Variants in PCDH11Y observed in about 807,000 individuals in gnomAD.
PCDH11Y encodes the protein protocadherin-11 Y-linked.
For synonymous variants in PCDH11Y, 9 were observed against 83.6 expected (o/e 0.11, Z 4.87); for missense variants, 12 against 224.8 (o/e 0.05, Z 6.05).
At chrY:5,189,142 T>G in intron 2 of PCDH11Y, among the ~76,000 whole-genome samples, 4 of 33,744 alleles carry the variant, frequency 1.2e-4, no homozygotes, top group African/African-American at 4.6e-4. Flanking sequence ...CGTGTTAACC[T>G]GATGGTGCTA....
At chrY:5,060,628 G>A in intron 1 of PCDH11Y, among the ~76,000 whole-genome samples, 1 of 27,626 alleles carries the variant, frequency 3.6e-5, no homozygotes, top group Admixed American at 3.6e-4. Context: ...GAACCAGAGT[G>A]CAGTTCCTGA....
intron 4 of PCDH11Y, among the ~76,000 whole-genome samples, chrY:5,730,149 A>T: frequency 3.1e-4 from 10 of 32,136 alleles, no homozygotes. Flanking sequence ...TTTTTTTTTC[A>T]AATTCTGGAA....
At chrY:5,625,216 T>C in intron 4 of PCDH11Y, among the ~76,000 whole-genome samples, 5 of 31,998 alleles carry the variant, frequency 1.6e-4, no homozygotes, top group Non-Finnish European at 3.0e-4. Context: ...TTGCTGAAGA[T>C]ATTTACCAGA....
chrY:5,659,241 G>A (rs2053539136), intron 4 of PCDH11Y, among the ~76,000 whole-genome samples: 21 of 32,048 alleles, frequency 6.6e-4, no homozygotes, highest in African/African-American at 2.6e-3. Flanking sequence ...GCACAACACT[G>A]AGTCTCACCA....
At chrY:5,425,141 G>A in intron 2 of PCDH11Y, among the ~76,000 whole-genome samples, 1 of 33,484 alleles carries the variant, frequency 3.0e-5, no homozygotes, top group South Asian at 6.4e-4. Context: ...TTTCGTTTTC[G>A]TAAATGTAGC....
chrY:5,520,455 T>C (rs62608378), intron 3 of PCDH11Y, among the ~76,000 whole-genome samples: 1 of 30,447 alleles, frequency 3.3e-5, no homozygotes, highest in Non-Finnish European at 7.8e-5. Flanking sequence ...TTGGCATATG[T>C]AAGTTTAGTC....
chrY:5,137,013 G>A (rs2052841668), intron 2 of PCDH11Y, among the ~76,000 whole-genome samples: 3 of 32,365 alleles, frequency 9.3e-5, no homozygotes, highest in Non-Finnish European at 2.3e-4. Flanking sequence ...CACCACCTAC[G>A]CATGTAGTCA....
intron 1 of PCDH11Y, among the ~76,000 whole-genome samples, chrY:5,067,463 G>A (rs2052688662): frequency 3.1e-5 from 1 of 32,012 alleles, no homozygotes. Flanking sequence ...AAGGTGTGAA[G>A]CAAAAAAAAA....
chrY:5,676,279 G>A, intron 4 of PCDH11Y, among the ~76,000 whole-genome samples: 1 of 32,308 alleles, frequency 3.1e-5, no homozygotes, highest in African/African-American at 1.2e-4. Flanking sequence ...ATGCCCTGAG[G>A]CTGCACAGAG....
intron 2 of PCDH11Y, among the ~76,000 whole-genome samples, chrY:5,448,898 C>T: frequency 6.0e-5 from 2 of 33,426 alleles, no homozygotes; most frequent in African/African-American, 1.2e-4. Context: ...TCGACAAACA[C>T]AATATAGTAC....
At chrY:5,183,124 GTGTGGGCTCATGAAGTGA>G (rs2052902620) in intron 2 of PCDH11Y, among the ~76,000 whole-genome samples, 3 of 33,397 alleles carry the variant, frequency 9.0e-5, no homozygotes, top group Non-Finnish European at 2.2e-4. Context: ...GGCCCTGGTG[GTGTGGGCTCATGAAGTGA>G]TATCCAGATC....
chrY:5,536,648 G>T, intron 3 of PCDH11Y, among the ~76,000 whole-genome samples: 1 of 28,743 alleles, frequency 3.5e-5, no homozygotes, highest in Non-Finnish European at 8.2e-5. Context: ...CTAAGCCAAT[G>T]TCTAGAAGGG....
intron 2 of PCDH11Y, among the ~76,000 whole-genome samples, chrY:5,492,418 A>G: frequency 3.1e-5 from 1 of 32,034 alleles, no homozygotes; most frequent in African/African-American, 1.2e-4. Flanking sequence ...GGACCATAGC[A>G]TAATGATCTT....
At chrY:5,362,904 CT>C in intron 2 of PCDH11Y, among the ~76,000 whole-genome samples, 1 of 31,542 alleles carries the variant, frequency 3.2e-5, no homozygotes. Flanking sequence ...TCTATAAAGG[CT>C]TTTTTTAATG....
At chrY:5,365,317 C>G in intron 2 of PCDH11Y, among the ~76,000 whole-genome samples, 1 of 32,819 alleles carries the variant, frequency 3.0e-5, no homozygotes, top group Non-Finnish European at 7.5e-5. Flanking sequence ...GTAAAAACAA[C>G]CAGCTCTCTG....
chrY:5,541,761 A>G, intron 3 of PCDH11Y, among the ~76,000 whole-genome samples: 1 of 15,155 alleles, frequency 6.6e-5, no homozygotes, highest in Non-Finnish European at 1.5e-4. Flanking sequence ...CTTTCTTTCT[A>G]TATTATAGCA....
At chrY:5,606,265 C>A in intron 4 of PCDH11Y, among the ~76,000 whole-genome samples, 2 of 18,332 alleles carry the variant, frequency 1.1e-4, no homozygotes, top group Non-Finnish European at 2.3e-4. Flanking sequence ...GTGCGCTGCA[C>A]CCACTAATGT....
intron 3 of PCDH11Y, chrY:5,573,206 C>T: frequency 7.2e-6 from 2 of 279,621 alleles, no homozygotes; most frequent in Non-Finnish European, 1.1e-5. Context: ...TCTGTCCAGG[C>T]GCCCAGCTAC....
intron 2 of PCDH11Y, among the ~76,000 whole-genome samples, chrY:5,408,144 G>A (rs2053242749): frequency 3.0e-5 from 1 of 33,038 alleles, no homozygotes; most frequent in South Asian, 6.7e-4. Flanking sequence ...TAGTCAAGAT[G>A]CGCTGAAGGA....
Sources: allele counts gnomAD v4.1 joint callset (sites outside exome capture counted in the v4.1 genomes callset), GRCh38; gene constraint gnomAD v4.1.1; transcripts MANE v1.5; gene names NCBI Gene and HGNC (gene_info 2026-07-23, HGNC 2026-07-21).